Variants in ITGBL1 observed in about 807,000 individuals in gnomAD.
The protein encoded by ITGBL1 is integrin subunit beta like 1, also known as integrin beta-like protein 1.
In ITGBL1, 51 loss-of-function variants were observed where a neutral mutation model predicts 68.5. That is an observed-to-expected ratio of 0.74 (90% CI 0.59 to 0.94). The LOEUF (loss-of-function observed/expected upper bound fraction) is 0.94, where lower values mean the gene tolerates loss of function less well. Ranked by LOEUF, ITGBL1 falls within the 40% of genes least tolerant of loss-of-function variation. The pLI is 0.00. For synonymous variants in ITGBL1, 209 were observed against 227.3 expected (o/e 0.92, Z 0.72); for missense variants, 649 against 647.4 (o/e 1.00, Z -0.03).
chr13:101,624,895 T>C (rs930892185), intron 7 of ITGBL1, among the ~76,000 whole-genome samples: 3 of 152,190 alleles, frequency 2.0e-5, no homozygotes, highest in African/African-American at 7.2e-5. Flanking sequence ...AGTAATAAAA[T>C]ACAATCTGTG....
chr13:101,716,766 C>T (rs569791056), downstream of ITGBL1: 1 of 142,216 alleles, frequency 7.0e-6, no homozygotes, highest in African/African-American at 2.7e-5. Flanking sequence ...TAAAATGGCA[C>T]CAATCTCAGA....
At chr13:101,468,706 A>G (rs1016634152) in intron 2 of ITGBL1, among the ~76,000 whole-genome samples, 1 of 152,202 alleles carries the variant, frequency 6.6e-6, no homozygotes, top group African/African-American at 2.4e-5. Flanking sequence ...TGTCTTAGAG[A>G]GTGCATGTAA....
chr13:101,575,406 T>C lies in ITGBL1; in HGVS notation c.464-18T>C. On this transcript the variant is annotated intron_variant, in intron 3 of 10. Coordinates refer to ENST00000376180, the MANE Select transcript of ITGBL1 (RefSeq NM_004791.3). ...TATGTGCATGTAACAAACAGTCTTT[T>C]TTGTTTTCATGGTTTAGGTACATGT... The C allele has an allele frequency of 6.2e-7, 1 of 1,607,638 alleles. No individual in the cohort carries two copies. The highest frequency in any genetic ancestry group is 8.5e-7 in the Non-Finnish European group (1 of 1,176,950).
intron 2 of ITGBL1, among the ~76,000 whole-genome samples, chr13:101,519,328 T>C (rs1046329276): frequency 2.0e-5 from 3 of 152,200 alleles, no homozygotes; most frequent in East Asian, 3.8e-4. Flanking sequence ...GGTTGTCTAT[T>C]GAGCACTTGA....
chr13:101,490,031 G>A (rs1227214397), intron 2 of ITGBL1: 2 of 1,293,606 alleles, frequency 1.5e-6, no homozygotes, highest in Non-Finnish European at 1.1e-6. Context: ...AATTTTATTA[G>A]CATTTTGTTA....
chr13:101,692,734 G>T, intron 8 of ITGBL1, 33 bp downstream of exon 8: 1 of 1,344,670 alleles, frequency 7.4e-7, no homozygotes, highest in Non-Finnish European at 1.1e-6. Flanking sequence ...TATGCTACCT[G>T]CATGCAACTT....
chr13:101,611,345 C>T (rs548133847), intron 7 of ITGBL1, among the ~76,000 whole-genome samples: 1 of 152,268 alleles, frequency 6.6e-6, no homozygotes, highest in Admixed American at 6.5e-5. Context: ...AATACTTTAA[C>T]ATCCTTTCAT....
chr13:101,592,479 C>G (rs1218046352), intron 6 of ITGBL1, among the ~76,000 whole-genome samples: 1 of 152,042 alleles, frequency 6.6e-6, no homozygotes, highest in African/African-American at 2.4e-5. Context: ...GCACCAAAAA[C>G]TGTAAAACAT....
At chr13:101,606,219 T>C (rs2030850077) in intron 7 of ITGBL1, among the ~76,000 whole-genome samples, 1 of 147,972 alleles carries the variant, frequency 6.8e-6, no homozygotes. Flanking sequence ...ATATGATATA[T>C]GTATCAGAAA....
At chr13:101,492,490 A>T (rs539908955) in intron 2 of ITGBL1, among the ~76,000 whole-genome samples, 2 of 152,294 alleles carry the variant, frequency 1.3e-5, no homozygotes, top group Non-Finnish European at 2.9e-5. Context: ...TACAGTGGAT[A>T]CTAATTTCCT....
chr13:101,521,223 TCTTC>T lies in ITGBL1; in HGVS notation c.317-46475_317-46472del, dbSNP rs1387050091. Reference sequence around the variant, plus strand: ...CCTTTTATTCACTCATTATTTCACTTCTTCATTCATTTCCAAGCATTTTTCTAGA... The same window carrying T: ...CCTTTTATTCACTCATTATTTCACTTATTCATTTCCAAGCATTTTTCTAGA... On this transcript the variant is annotated intron_variant, in intron 2 of 10. Transcript: ENST00000376180. Among the ~76,000 whole-genome samples the T allele has an allele frequency of 6.6e-5, 10 of 152,252 alleles. No individual in the cohort carries two copies. The East Asian group carries it at 1.9e-3, about 29-fold the overall frequency.
At chr13:101,621,272 CAT>C (rs1444418086) in intron 7 of ITGBL1, among the ~76,000 whole-genome samples, 2 of 152,162 alleles carry the variant, frequency 1.3e-5, no homozygotes, top group African/African-American at 2.4e-5. Flanking sequence ...GAATTAGAAA[CAT>C]GTACCACTTC....
chr13:101,485,561 T>C (rs1461510871), intron 2 of ITGBL1, among the ~76,000 whole-genome samples: 1 of 152,088 alleles, frequency 6.6e-6, no homozygotes. Context: ...TCTCAGCACT[T>C]TGGGAGACCG....
At chr13:101,602,442 A>C (rs1046625275) in intron 7 of ITGBL1, among the ~76,000 whole-genome samples, 9 of 152,012 alleles carry the variant, frequency 5.9e-5, no homozygotes, top group African/African-American at 1.7e-4. Flanking sequence ...GTTAATATGA[A>C]ATATGCTTTT....
intron 7 of ITGBL1, among the ~76,000 whole-genome samples, chr13:101,627,229 A>G (rs954832075): frequency 6.6e-6 from 1 of 151,922 alleles, no homozygotes; most frequent in African/African-American, 2.4e-5. Context: ...GTTTTTTTGG[A>G]ATTATGACCA....
At chr13:101,500,139 CTTTG>C (rs2048917119) in intron 2 of ITGBL1, among the ~76,000 whole-genome samples, 2 of 152,182 alleles carry the variant, frequency 1.3e-5, no homozygotes, top group Non-Finnish European at 1.5e-5. Flanking sequence ...CCAGAATACA[CTTTG>C]TTTAATTCCT....
At chr13:101,653,113 A>AGAAG (rs1204233208) in intron 7 of ITGBL1, among the ~76,000 whole-genome samples, 3 of 150,616 alleles carry the variant, frequency 2.0e-5, no homozygotes, top group East Asian at 2.0e-4. Context: ...AGAAAGAAAA[A>AGAAG]GAAGGAAGGA....
intron 9 of ITGBL1, among the ~76,000 whole-genome samples, chr13:101,710,379 T>G (rs1397756662): frequency 6.6e-6 from 1 of 152,122 alleles, no homozygotes; most frequent in East Asian, 1.9e-4. Context: ...ATCATGGAAC[T>G]GTGATCTATG....
At chr13:101,597,394 A>C (rs1425714622) in intron 6 of ITGBL1, among the ~76,000 whole-genome samples, 1 of 137,182 alleles carries the variant, frequency 7.3e-6, no homozygotes, top group East Asian at 2.2e-4. Context: ...AGGAGCGTTT[A>C]TATATTAAAA....
Sources: allele counts gnomAD v4.1 joint callset (sites outside exome capture counted in the v4.1 genomes callset), GRCh38; gene constraint gnomAD v4.1.1; transcripts MANE v1.5; gene names NCBI Gene and HGNC (gene_info 2026-07-23, HGNC 2026-07-21).